Variants in MALRD1 observed in about 807,000 individuals in gnomAD.
MALRD1 encodes the protein MAM and LDL-receptor class A domain-containing protein 1.
A neutral mutation model predicts 242.1 loss-of-function variants in MALRD1; 247 were observed. The observed-to-expected ratio is 1.02, with a 90% confidence interval of 0.92 to 1.13. The LOEUF (loss-of-function observed/expected upper bound fraction) is 1.13, where lower values mean the gene tolerates loss of function less well. Ranked by LOEUF, MALRD1 falls within the 50% of genes most tolerant of loss-of-function variation. MALRD1 has a pLI of 0.00. For synonymous variants in MALRD1, 995 were observed against 866.6 expected (o/e 1.15, Z -2.60); for missense variants, 2,989 against 2,533.1 (o/e 1.18, Z -3.86).
At chr10:19,646,467 T>C (rs1840662118) in intron 36 of MALRD1, among the ~76,000 whole-genome samples, 1 of 152,062 alleles carries the variant, frequency 6.6e-6, no homozygotes. Flanking sequence ...TAGCTGGGTG[T>C]AGTGGCACGC....
intron 21 of MALRD1, among the ~76,000 whole-genome samples, chr10:19,294,247 G>A (rs1841586439): frequency 6.6e-6 from 1 of 152,094 alleles, no homozygotes; most frequent in Non-Finnish European, 1.5e-5. Flanking sequence ...TCTAACTCCT[G>A]TGAAGAATTG....
intron 14 of MALRD1, among the ~76,000 whole-genome samples, chr10:19,185,242 C>G (rs927519429): frequency 6.6e-6 from 1 of 152,024 alleles, no homozygotes. Context: ...GCAAGAAAGC[C>G]AAAATTTACT....
chr10:19,419,048 A>G (rs541060894), intron 28 of MALRD1, among the ~76,000 whole-genome samples: 12 of 152,262 alleles, frequency 7.9e-5, no homozygotes, highest in African/African-American at 2.9e-4. Flanking sequence ...ACAGAGGATG[A>G]ACTCAACCAT....
chr10:19,317,305 A>G (rs1842746961), intron 21 of MALRD1, among the ~76,000 whole-genome samples: 1 of 151,876 alleles, frequency 6.6e-6, no homozygotes, highest in Non-Finnish European at 1.5e-5. Flanking sequence ...AGATAGTTCT[A>G]GGGTCTCTTT....
intron 21 of MALRD1, among the ~76,000 whole-genome samples, chr10:19,308,728 T>C (rs1399082648): frequency 1.3e-5 from 2 of 151,586 alleles, no homozygotes; most frequent in Non-Finnish European, 3.0e-5. Flanking sequence ...TCCTATTACG[T>C]TGTGAGCCCA....
At chr10:19,132,711 T>C (rs1163162021) in intron 8 of MALRD1, among the ~76,000 whole-genome samples, 1 of 152,186 alleles carries the variant, frequency 6.6e-6, no homozygotes, top group Non-Finnish European at 1.5e-5. Flanking sequence ...GACATAATTA[T>C]GTCAATCTTC....
intron 36 of MALRD1, among the ~76,000 whole-genome samples, chr10:19,676,676 A>C (rs1842150793): frequency 6.6e-6 from 1 of 152,012 alleles, no homozygotes; most frequent in Non-Finnish European, 1.5e-5. Context: ...TTATTGTATT[A>C]TTTTATTTTA....
intron 18 of MALRD1, among the ~76,000 whole-genome samples, chr10:19,215,105 T>G (rs1186467371): frequency 2.0e-5 from 3 of 152,196 alleles, no homozygotes; most frequent in African/African-American, 7.2e-5. Context: ...TGGTAGCCAT[T>G]GCTTTGATTG....
At chr10:19,510,250 T>C (rs1242634698) in intron 31 of MALRD1, among the ~76,000 whole-genome samples, 1 of 152,166 alleles carries the variant, frequency 6.6e-6, no homozygotes, top group African/African-American at 2.4e-5. Context: ...AGACATTCCA[T>C]TGCCAAGGGA....
intron 36 of MALRD1, among the ~76,000 whole-genome samples, chr10:19,637,402 TAAATC>T (rs900007112): frequency 3.9e-5 from 6 of 152,304 alleles, no homozygotes; most frequent in East Asian, 1.9e-4. Flanking sequence ...AGATTAATCT[TAAATC>T]AAAGTAAATT....
chr10:19,699,644 A>C (rs1448086696), intron 38 of MALRD1, among the ~76,000 whole-genome samples: 1 of 152,118 alleles, frequency 6.6e-6, no homozygotes. Context: ...ATAGTTCTGC[A>C]GGCTATATAG....
intron 33 of MALRD1, among the ~76,000 whole-genome samples, chr10:19,571,981 G>C (rs1315638433): frequency 6.6e-6 from 1 of 152,098 alleles, no homozygotes; most frequent in Admixed American, 6.6e-5. Flanking sequence ...TAGGTGTTTT[G>C]TTGTCGTTTT....
chr10:19,549,100 C>A (rs944602229), intron 32 of MALRD1, among the ~76,000 whole-genome samples: 3 of 152,146 alleles, frequency 2.0e-5, no homozygotes, highest in African/African-American at 7.2e-5. Context: ...TCCCTTAAGC[C>A]AAAGCCTAAT....
Position 19,332,176 on chromosome 10 carries a change from TG to T in MALRD1, c.3901+595del, listed in dbSNP as rs199651372. ...ACTGTGCCTGGCCTGAAATAAATGT[TG>T]TTTTTTTTTTTTTGAAAAATGACAG... On this transcript the variant is annotated intron_variant, in intron 24 of 39. Coordinates refer to ENST00000454679, the MANE Select transcript of MALRD1 (RefSeq NM_001142308.3). Among the ~76,000 whole-genome samples the T allele has an allele frequency of 7.5e-4, 113 of 150,996 alleles. 4 individuals carry two copies. The highest frequency in any genetic ancestry group is 2.4e-3 in the African/African-American group (98 of 41,124).
chr10:19,266,400 G>A (rs1410065665), intron 19 of MALRD1, among the ~76,000 whole-genome samples: 1 of 151,562 alleles, frequency 6.6e-6, no homozygotes, highest in Non-Finnish European at 1.5e-5. Context: ...TTTGCTATGT[G>A]TTTAACATAA....
At chr10:19,203,607 C>T in intron 14 of MALRD1, 121 bp from the exon 15 acceptor site, 5 of 904,240 alleles carry the variant, frequency 5.5e-6, no homozygotes, top group Admixed American at 3.2e-5. Flanking sequence ...GAAATGTGTC[C>T]CTCATTGCCC....
intron 29 of MALRD1, chr10:19,488,667 A>T (rs1837336685): frequency 5.3e-6 from 1 of 189,996 alleles, no homozygotes; most frequent in Non-Finnish European, 1.1e-5. Context: ...ATATAGAACA[A>T]TTGCAGGTAC....
intron 36 of MALRD1, among the ~76,000 whole-genome samples, chr10:19,626,857 T>A (rs1427479045): frequency 6.6e-6 from 1 of 152,162 alleles, no homozygotes; most frequent in African/African-American, 2.4e-5. Context: ...TGTTTGATTT[T>A]GAAATAGGCA....
At chr10:19,580,296 G>A (rs1169384880) in intron 33 of MALRD1, among the ~76,000 whole-genome samples, 4 of 152,132 alleles carry the variant, frequency 2.6e-5, no homozygotes, top group African/African-American at 4.8e-5. Context: ...TTATAATCCT[G>A]GCAAATATTG....
Sources: gnomAD v4.1 joint callset for allele counts (sites outside exome capture counted in the v4.1 genomes callset) on GRCh38, gnomAD v4.1.1 for gene constraint, MANE v1.5 for transcripts, NCBI Gene and HGNC (gene_info 2026-07-23, HGNC 2026-07-21) for gene names.